Variants in TXNL4A observed in about 807,000 individuals in gnomAD.
TXNL4A encodes thioredoxin like 4A.
In TXNL4A, 17 loss-of-function variants were observed where a neutral mutation model predicts 14.6. The ratio of observed to expected loss-of-function variants is 1.16; its 90% CI spans 0.80 to 1.74. The LOEUF is 1.74. Among genes scored for constraint, TXNL4A ranks in the 40% most tolerant of loss-of-function variants. The pLI is 0.00. For missense variants in TXNL4A, 74 were observed against 195.2 expected (o/e 0.38, Z 3.70); for synonymous variants, 83 against 70.6 (o/e 1.18, Z -0.88).
At chr18:80,017,465 T>G (rs1291298433) in intron 1 of TXNL4A, among the ~76,000 whole-genome samples, 1 of 151,926 alleles carries the variant, frequency 6.6e-6, no homozygotes, top group African/African-American at 2.4e-5. Flanking sequence ...ATGCTTCCAG[T>G]TTTTGCCCAT....
At chr18:80,000,185 G>T (rs2051689725) in intron 1 of TXNL4A, among the ~76,000 whole-genome samples, 2 of 152,230 alleles carry the variant, frequency 1.3e-5, no homozygotes, top group Non-Finnish European at 2.9e-5. Flanking sequence ...GGTCGGAACA[G>T]TTTGGAGGGC....
At chr18:79,987,542 T>G (rs7235319) in intron 1 of TXNL4A, among the ~76,000 whole-genome samples, 3 of 152,056 alleles carry the variant, frequency 2.0e-5, no homozygotes, top group Non-Finnish European at 2.9e-5. Context: ...CTGCAAAACC[T>G]CAATAAAAGT....
At chr18:79,995,977 G>A (rs748500517) in intron 1 of TXNL4A, among the ~76,000 whole-genome samples, 28 of 151,922 alleles carry the variant, frequency 1.8e-4, no homozygotes, top group Non-Finnish European at 3.1e-4. Flanking sequence ...GGTGGCGGGC[G>A]CCTGTAGTCC....
chr18:79,997,584 C>T (rs1610804), intron 1 of TXNL4A, among the ~76,000 whole-genome samples: 20 of 152,190 alleles, frequency 1.3e-4, no homozygotes, highest in East Asian at 7.8e-4. Flanking sequence ...TCCAGACAGC[C>T]GGTATTTGTT....
At chr18:80,023,469 T>TAG (rs918499765) in intron 1 of TXNL4A, among the ~76,000 whole-genome samples, 1 of 152,126 alleles carries the variant, frequency 6.6e-6, no homozygotes, top group Admixed American at 6.5e-5. Flanking sequence ...AGGCAAAAGT[T>TAG]AGAGAGGTTT....
chr18:79,974,693 G>C (rs774055777), intron 2 of TXNL4A, among the ~76,000 whole-genome samples: 23 of 152,008 alleles, frequency 1.5e-4, no homozygotes, highest in Non-Finnish European at 2.2e-4. Context: ...TGGCCAGGCT[G>C]GTCTCAAACT....
chr18:79,992,396 G>A (rs944160551), upstream of TXNL4A, among the ~76,000 whole-genome samples: 3 of 152,196 alleles, frequency 2.0e-5, no homozygotes, highest in Non-Finnish European at 4.4e-5. Flanking sequence ...CTTATGTACA[G>A]AAGCCACATC....
intron 2 of TXNL4A, chr18:79,976,652 T>G: frequency 5.1e-6 from 2 of 392,314 alleles, no homozygotes; most frequent in East Asian, 1.6e-4. Context: ...GCTCAATGCG[T>G]GCTAATTTGT....
intron 1 of TXNL4A, among the ~76,000 whole-genome samples, chr18:80,015,366 T>C (rs985451464): frequency 6.6e-6 from 1 of 150,758 alleles, no homozygotes; most frequent in Admixed American, 6.6e-5. Flanking sequence ...ATTATTATTA[T>C]TATTATTATT....
chr18:79,996,051 C>T (rs1190211482), intron 1 of TXNL4A, among the ~76,000 whole-genome samples: 2 of 145,654 alleles, frequency 1.4e-5, no homozygotes, highest in African/African-American at 2.5e-5. Flanking sequence ...TTGCAGTGAG[C>T]CCACATCGCG....
At chr18:80,007,394 G>A (rs1156788763) in intron 1 of TXNL4A, among the ~76,000 whole-genome samples, 1 of 152,196 alleles carries the variant, frequency 6.6e-6, no homozygotes, top group Non-Finnish European at 1.5e-5. Context: ...ATACGTAACA[G>A]GGGTGTCGTG....
intron 1 of TXNL4A, among the ~76,000 whole-genome samples, chr18:79,981,705 CTGAG>C (rs1164935824): frequency 1.3e-5 from 2 of 152,210 alleles, no homozygotes; most frequent in South Asian, 4.1e-4. Flanking sequence ...CAGAGGGCAA[CTGAG>C]TAACTGTAAC....
chr18:80,024,147 A>G (rs942263812), intron 1 of TXNL4A, among the ~76,000 whole-genome samples: 8 of 151,440 alleles, frequency 5.3e-5, no homozygotes, highest in Non-Finnish European at 8.8e-5. Context: ...TGATCTTCCA[A>G]TGTTTCTCAG....
intron 1 of TXNL4A, among the ~76,000 whole-genome samples, chr18:80,006,311 G>A (rs527983360): frequency 3.4e-4 from 51 of 152,194 alleles, no homozygotes; most frequent in African/African-American, 1.2e-3. Context: ...TTGAACCCAG[G>A]AGGCAGAGGT....
chr18:80,028,476 C>A (rs1370549111), intron 1 of TXNL4A, among the ~76,000 whole-genome samples: 1 of 152,004 alleles, frequency 6.6e-6, no homozygotes, highest in Admixed American at 6.6e-5. Flanking sequence ...CTGACAAGAC[C>A]CCTCATGACT....
chr18:80,013,265 G>T (rs966965738), intron 1 of TXNL4A, among the ~76,000 whole-genome samples: 35 of 151,490 alleles, frequency 2.3e-4, no homozygotes, highest in Non-Finnish European at 4.1e-4. Context: ...TGGGACTATA[G>T]GTGCCCGCCA....
chr18:80,016,160 C>A (rs1357483918), intron 1 of TXNL4A, among the ~76,000 whole-genome samples: 1 of 150,814 alleles, frequency 6.6e-6, no homozygotes, highest in African/African-American at 2.4e-5. Flanking sequence ...TAAATGTCTT[C>A]TTTTGAGAAG....
rs2051312379 is a variant in TXNL4A, at chr18:79,972,455, T to C, written c.*1230A>G. On this transcript the variant is annotated 3_prime_UTR_variant, in exon 3 of 3. Transcript: ENST00000269601. ...AGAGGGCAAGAGAAACCTGAGACTG[T>C]AATAAGGACATTTTCTTTTCTTTTT... is the stretch of plus-strand genomic sequence containing the variant. 6.6e-6 allele frequency: 1 copy of C among 152,382 alleles called. No individual in the cohort carries two copies. Among genetic ancestry groups the C allele is most frequent in the South Asian group, 2.1e-4 (1 of 4,820 alleles). 9.4% of individuals were successfully genotyped at this position (152,382 alleles called of 1,614,324 possible).
chr18:80,008,818 C>T (rs1026580271), intron 1 of TXNL4A, among the ~76,000 whole-genome samples: 1 of 152,190 alleles, frequency 6.6e-6, no homozygotes, highest in Admixed American at 6.5e-5. Context: ...CGCTCTGTCC[C>T]CCAGGCTGGA....
Sources: allele counts gnomAD v4.1 joint callset (sites outside exome capture counted in the v4.1 genomes callset), GRCh38; gene constraint gnomAD v4.1.1; transcripts MANE v1.5; gene names NCBI Gene and HGNC (gene_info 2026-07-23, HGNC 2026-07-21).